The following KLF8 variants were observed in gnomAD, a reference collection of about 807,000 sequenced individuals.
KLF8 encodes the protein KLF transcription factor 8.
In KLF8, 10 loss-of-function variants were observed where a neutral mutation model predicts 18.2. The observed-to-expected ratio is 0.55, with a 90% CI of 0.34 to 0.93. KLF8 has a LOEUF of 0.93. KLF8 is among the 40% of genes least tolerant of loss of function. The pLI, the probability that KLF8 is intolerant of heterozygous loss-of-function variation, is 0.02. For missense variants in KLF8, 264 were observed against 277.9 expected (o/e 0.95, Z 0.36); for synonymous variants, 109 against 97.3 (o/e 1.12, Z -0.71).
the KLF8 span, among the ~76,000 whole-genome samples, chrX:56,006,509 T>A: frequency 8.9e-6 from 1 of 112,378 alleles, no homozygotes; most frequent in Non-Finnish European, 1.9e-5. Flanking sequence ...TGATGGCAGA[T>A]GTACTTCCTG....
chrX:56,049,887 C>T, the KLF8 span, among the ~76,000 whole-genome samples: 1 of 107,372 alleles, frequency 9.3e-6, no homozygotes, highest in Non-Finnish European at 1.9e-5. Flanking sequence ...GCTGTGAATC[C>T]ATCTGGTCCT....
the KLF8 span, among the ~76,000 whole-genome samples, chrX:56,123,271 A>AAAAGAAAGAAAGAAAGAAAG: frequency 5.5e-5 from 5 of 91,309 alleles, no homozygotes; most frequent in African/African-American, 2.6e-4. Context: ...GAAAGAAAGA[A>AAAAGAAAGAAAGAAAGAAAG]AAAGAAAGAA....
At chrX:55,920,318 G>C in the KLF8 span, among the ~76,000 whole-genome samples, 1 of 111,274 alleles carries the variant, frequency 9.0e-6, no homozygotes, top group Non-Finnish European at 1.9e-5. Context: ...ACCCAAATGA[G>C]AAGGATACAA....
chrX:56,005,257 C>T, the KLF8 span, among the ~76,000 whole-genome samples: 1 of 110,705 alleles, frequency 9.0e-6, no homozygotes, highest in Non-Finnish European at 1.9e-5. Context: ...TAGCAATCTT[C>T]TGCACTGTAG....
the KLF8 span, among the ~76,000 whole-genome samples, chrX:56,078,411 T>C: frequency 8.9e-6 from 1 of 112,463 alleles, no homozygotes; most frequent in South Asian, 3.7e-4. Flanking sequence ...ATGTGGTTTT[T>C]GTCTCTGGTT....
In KLF8 at chrX:56,288,538, G is replaced by A. The variant is rs1332160124; in HGVS notation, c.*4044G>A. On this transcript the variant is annotated 3_prime_UTR_variant, in exon 6 of 6. Coordinates refer to ENST00000468660, the MANE Select transcript of KLF8 (RefSeq NM_007250.5). ...TTTGGTTCCAGATCACTGCAATGAA[G>A]CAAATATTACAATAAAGCAAGTCAC... Among the ~76,000 whole-genome samples the A allele has an allele frequency of 1.9e-5, 2 of 108,076 alleles. No homozygotes were observed. Among genetic ancestry groups the A allele is most frequent in the Non-Finnish European group, 3.8e-5 (2 of 52,978 alleles). 93.9% of individuals were successfully genotyped at this position (108,076 alleles called of 115,157 possible).
At chrX:56,156,895 C>T in the KLF8 span, among the ~76,000 whole-genome samples, 1 of 108,420 alleles carries the variant, frequency 9.2e-6, no homozygotes, top group South Asian at 4.1e-4. Context: ...ATGACATGAA[C>T]TCATCCTTGT....
chrX:56,215,094 C>A, the KLF8 span, among the ~76,000 whole-genome samples: 1 of 111,790 alleles, frequency 8.9e-6, no homozygotes, highest in African/African-American at 3.2e-5. Flanking sequence ...TATTTGGAAT[C>A]TCCTAGAGCT....
chrX:56,047,680 C>G, the KLF8 span, among the ~76,000 whole-genome samples: 9,894 of 110,785 alleles, frequency 0.089, 1,113 homozygotes, highest in African/African-American at 0.31. Flanking sequence ...GGACATTTGG[C>G]TTGGTTCCAA....
At chrX:55,908,742 G>C in the KLF8 span, 1 of 285,029 alleles carries the variant, frequency 3.5e-6, no homozygotes, top group South Asian at 2.3e-4. Context: ...GCCCCGCCCC[G>C]TCGGCCCAGG....
the KLF8 span, among the ~76,000 whole-genome samples, chrX:55,993,192 T>C: frequency 1.8e-5 from 2 of 111,584 alleles, no homozygotes; most frequent in Non-Finnish European, 3.8e-5. Context: ...TTTAGAAGAA[T>C]GCTTTGAGCT....
the KLF8 span, among the ~76,000 whole-genome samples, chrX:55,970,978 T>A: frequency 9.0e-6 from 1 of 111,713 alleles, no homozygotes; most frequent in African/African-American, 3.2e-5. Context: ...GTTAAAATGT[T>A]CACACTACCC....
At chrX:56,091,978 TG>T in the KLF8 span, among the ~76,000 whole-genome samples, 75 of 98,706 alleles carry the variant, frequency 7.6e-4, no homozygotes, top group South Asian at 2.5e-3. Flanking sequence ...CAACATCTAT[TG>T]TTTTTTTTTT....
the KLF8 span, among the ~76,000 whole-genome samples, chrX:56,210,899 C>T: frequency 9.2e-6 from 1 of 108,951 alleles, no homozygotes; most frequent in Admixed American, 1.0e-4. Context: ...TTAATTATTT[C>T]CATCTGTTTG....
the KLF8 span, among the ~76,000 whole-genome samples, chrX:56,146,033 A>C: frequency 8.9e-6 from 1 of 112,427 alleles, no homozygotes; most frequent in Non-Finnish European, 1.9e-5. Flanking sequence ...TGCCAGTTAG[A>C]ATGGTGATCA....
chrX:55,940,662 T>A, the KLF8 span, among the ~76,000 whole-genome samples: 1 of 111,982 alleles, frequency 8.9e-6, no homozygotes, highest in South Asian at 3.7e-4. Context: ...CTTAAGCTGA[T>A]AAGCAACCTC....
chrX:55,943,095 A>G, the KLF8 span, among the ~76,000 whole-genome samples: 3 of 110,931 alleles, frequency 2.7e-5, no homozygotes, highest in Non-Finnish European at 3.8e-5. Context: ...CGGCGAGGGA[A>G]TGAAAAGAAC....
the KLF8 span, among the ~76,000 whole-genome samples, chrX:56,204,965 A>C: frequency 9.0e-6 from 1 of 110,888 alleles, no homozygotes; most frequent in Non-Finnish European, 1.9e-5. Context: ...CCTTTGTTCT[A>C]ATTTTAGAAG....
chrX:56,183,199 C>A, the KLF8 span, among the ~76,000 whole-genome samples: 199 of 111,973 alleles, frequency 1.8e-3, 1 homozygote, highest in Non-Finnish European at 3.2e-3. Context: ...CTTGCTGCCA[C>A]CTTGCAGTTC....
Sources: gnomAD v4.1 joint callset for allele counts (sites outside exome capture counted in the v4.1 genomes callset) on GRCh38, gnomAD v4.1.1 for gene constraint, MANE v1.5 for transcripts, NCBI Gene and HGNC (gene_info 2026-07-23, HGNC 2026-07-21) for gene names.